SCRN1: variants seen among roughly 807,000 people sequenced by gnomAD.
SCRN1 encodes secernin 1.
A neutral mutation model predicts 43.3 loss-of-function variants in SCRN1; 19 were observed. The ratio of observed to expected loss-of-function variants is 0.44; its 90% CI spans 0.31 to 0.64. The LOEUF (loss-of-function observed/expected upper bound fraction) is 0.64, where lower values mean the gene tolerates loss of function less well. SCRN1 is among the 30% of genes least tolerant of loss of function. SCRN1 has a pLI of 0.09. For synonymous variants in SCRN1, 183 were observed against 188.9 expected, an observed-to-expected ratio of 0.97 and a Z score of 0.26; for missense variants, 447 against 524.1, an observed-to-expected ratio of 0.85 and a Z score of 1.44.
chr7:29,926,341 C>A, intron 7 of SCRN1, 111 bp downstream of exon 7: 1 of 1,183,742 alleles, frequency 8.4e-7, no homozygotes, highest in Non-Finnish European at 1.2e-6. Flanking sequence ...CCCGGTCACA[C>A]TGGATGGGTG....
intron 6 of SCRN1, among the ~76,000 whole-genome samples, chr7:29,928,868 A>C (rs951241529): frequency 3.9e-5 from 6 of 152,220 alleles, no homozygotes; most frequent in Non-Finnish European, 7.3e-5. Context: ...AACTGTTTAA[A>C]CCAATTTTTA....
intron 7 of SCRN1, 99 bp downstream of exon 7, chr7:29,926,353 G>A (rs961979109): frequency 1.5e-6 from 2 of 1,294,840 alleles, no homozygotes; most frequent in African/African-American, 1.5e-5. Flanking sequence ...GGATGGGTGG[G>A]GGTAGGGTCT....
chr7:29,956,676 G>A (rs1788147595), intron 2 of SCRN1, among the ~76,000 whole-genome samples: 2 of 152,302 alleles, frequency 1.3e-5, no homozygotes, highest in East Asian at 1.9e-4. Flanking sequence ...TCATGTTAAG[G>A]TGTTGCTCTG....
At chr7:29,951,492 G>A (rs554718094) in intron 3 of SCRN1, among the ~76,000 whole-genome samples, 33 of 152,306 alleles carry the variant, frequency 2.2e-4, no homozygotes, top group African/African-American at 7.7e-4. Context: ...AAGCAACACC[G>A]TAAGGATCGT....
At position 29,922,666 on chromosome 7, in the gene SCRN1, G is replaced by C. The variant is rs2269976; in HGVS notation, c.*1291C>G. The C allele has an allele frequency of 0.35, 52,605 of 152,122 alleles. 9,350 individuals are homozygous for C. The highest frequency in any genetic ancestry group is 0.41 in the African/African-American group (16,855 of 41,448). 9.4% of individuals were successfully genotyped at this position (152,122 alleles called of 1,614,324 possible). A position where few individuals can be genotyped will look rare whatever the true frequency, so the allele number is the denominator to read the frequency against. On this transcript the variant is annotated 3_prime_UTR_variant, in exon 8 of 8. Coordinates refer to ENST00000242059, the MANE Select transcript of SCRN1 (RefSeq NM_014766.5). ...ACCCGCCTGAATGAAGGCAGCTCCT[G>C]GGACATGTGAGGTGTGAGGAGTGGG...
chr7:29,921,239 T>G lies in SCRN1; in HGVS notation c.*2718A>C, dbSNP rs1202581249. On this transcript the variant is annotated 3_prime_UTR_variant, in exon 8 of 8. Transcript: ENST00000242059. ...GTTTCCTAGGAAGCTACTTATACAC[T>G]ATGACCCTTAAACATAATTTTTGTA... 2 of 152,676 alleles carry G rather than the reference T, an allele frequency of 1.3e-5. No individual in the cohort carries two copies. Among genetic ancestry groups the G allele is most frequent in the Non-Finnish European group, 2.9e-5 (2 of 68,048 alleles). 9.5% of individuals were successfully genotyped at this position (152,676 alleles called of 1,614,324 possible). A position where few individuals can be genotyped will look rare whatever the true frequency, so the allele number is the denominator to read the frequency against.
intron 1 of SCRN1, among the ~76,000 whole-genome samples, chr7:29,972,752 A>G (rs1436780520): frequency 6.6e-6 from 1 of 152,230 alleles, no homozygotes; most frequent in Non-Finnish European, 1.5e-5. Flanking sequence ...TTTTCTGAAA[A>G]GAAAATTTTC....
intron 1 of SCRN1, among the ~76,000 whole-genome samples, chr7:29,969,571 A>G (rs2127923939): frequency 6.6e-6 from 1 of 152,314 alleles, no homozygotes; most frequent in South Asian, 2.1e-4. Context: ...TGTTTTTAGT[A>G]GTTTTACTCC....
intron 5 of SCRN1, among the ~76,000 whole-genome samples, chr7:29,939,292 C>T (rs10226420): frequency 2.8e-4 from 43 of 152,078 alleles, no homozygotes; most frequent in African/African-American, 8.9e-4. Flanking sequence ...TACCTCACCG[C>T]AGCCTTGAAC....
intron 2 of SCRN1, among the ~76,000 whole-genome samples, chr7:29,957,194 G>A (rs1460030679): frequency 6.6e-6 from 1 of 152,202 alleles, no homozygotes; most frequent in Non-Finnish European, 1.5e-5. Flanking sequence ...ATTATTTACA[G>A]AACACCAACT....
chr7:29,977,429 TTC>T (rs1448753671), intron 1 of SCRN1, among the ~76,000 whole-genome samples: 1 of 152,250 alleles, frequency 6.6e-6, no homozygotes, highest in Non-Finnish European at 1.5e-5. Flanking sequence ...AATTGATTTT[TTC>T]TGTTTTAAAC....
At chr7:29,943,589 G>A (rs1342159206) in intron 4 of SCRN1, among the ~76,000 whole-genome samples, 2 of 152,122 alleles carry the variant, frequency 1.3e-5, no homozygotes, top group African/African-American at 4.8e-5. Flanking sequence ...CAAGCACAAA[G>A]ATCTACAGGG....
rs144101934 is a variant in SCRN1 at position 29,971,008 on chromosome 7, C to T, written c.-1-1940G>A. ...AACCATAGTAGCCCTTTCCCCAACC[C>T]CTGGCATTACAGGCACTCAAGAAAC... is the stretch of plus-strand genomic sequence containing the variant. On this transcript the variant is annotated intron_variant, in intron 1 of 7. Transcript: ENST00000242059. Among the ~76,000 whole-genome samples, 464 of 152,274 alleles carry T rather than the reference C, an allele frequency of 3.0e-3. 2 individuals carry two copies. Among genetic ancestry groups the T allele is most frequent in the African/African-American group, 0.011 (438 of 41,560 alleles).
upstream of SCRN1, chr7:29,989,812 G>A (rs1049313570): frequency 2.0e-6 from 2 of 990,642 alleles, no homozygotes; most frequent in East Asian, 2.2e-4. Context: ...CCGGCGCTGG[G>A]GCCCGCCGCC....
At chr7:29,929,420 A>C (rs1027999992) in intron 6 of SCRN1, among the ~76,000 whole-genome samples, 5 of 152,222 alleles carry the variant, frequency 3.3e-5, no homozygotes, top group Admixed American at 6.5e-5. Flanking sequence ...GCCACTCCAA[A>C]GCCCACTCCA....
At chr7:29,955,112 G>A in intron 3 of SCRN1, 67 bp downstream of exon 3, 1 of 1,397,870 alleles carries the variant, frequency 7.2e-7, no homozygotes, top group Non-Finnish European at 9.9e-7. Flanking sequence ...GGTTTAGGGA[G>A]AAATAAATCC....
chr7:29,942,960 C>T (rs1787606962), intron 4 of SCRN1, among the ~76,000 whole-genome samples: 1 of 152,186 alleles, frequency 6.6e-6, no homozygotes, highest in African/African-American at 2.4e-5. Context: ...GGCTTGATTC[C>T]CATCTACTGT....
chr7:29,987,925 C>G (rs551303661), intron 1 of SCRN1, among the ~76,000 whole-genome samples: 3 of 152,214 alleles, frequency 2.0e-5, no homozygotes, highest in Admixed American at 6.5e-5. Context: ...CCTCTGCCCC[C>G]CGACCTTAGC....
chr7:29,942,317 G>A lies in SCRN1; in HGVS notation c.545-1441C>T, dbSNP rs144201831. Among the ~76,000 whole-genome samples, 396 of 152,306 alleles carry A rather than the reference G, an allele frequency of 2.6e-3. 2 individuals carry two copies. The highest frequency in any genetic ancestry group is 0.017 in the Middle Eastern group (5 of 294). The stretch of plus-strand genomic sequence containing the variant: ...TACTGCAATCCATCACACCGCTGCT[G>A]GGATCAGACGACATGAAATCAGTAA... On this transcript the variant is annotated intron_variant, in intron 4 of 7. Transcript: ENST00000242059.
Sources: allele counts gnomAD v4.1 joint callset (sites outside exome capture counted in the v4.1 genomes callset), GRCh38; gene constraint gnomAD v4.1.1; transcripts MANE v1.5; gene names NCBI Gene and HGNC (gene_info 2026-07-23, HGNC 2026-07-21).